TMEM268: variants seen among roughly 807,000 people sequenced by gnomAD.
TMEM268 encodes the protein transmembrane protein C9orf91.
A neutral mutation model predicts 39.1 loss-of-function variants in TMEM268; 24 were observed. That is an observed-to-expected ratio of 0.61 (90% CI 0.44 to 0.86). TMEM268 has a LOEUF of 0.86. Among genes scored for constraint, TMEM268 ranks in the 40% least tolerant of loss-of-function variants. The probability of loss-of-function intolerance (pLI) is 0.00; values close to 1 mark genes in which losing one functional copy is unlikely to be tolerated. For missense variants in TMEM268, 409 were observed against 428.6 expected (o/e 0.95, Z 0.40); for synonymous variants, 176 against 173.5 (o/e 1.01, Z -0.12).
At chr9:114,622,846 T>C (rs7048418) in intron 2 of TMEM268, among the ~76,000 whole-genome samples, 109,709 of 151,942 alleles carry the variant, frequency 0.72, 39,870 homozygotes, top group Admixed American at 0.76. Context: ...ATCCCAGTAC[T>C]TTGGGAGGCC....
intron 5 of TMEM268, among the ~76,000 whole-genome samples, chr9:114,632,207 G>A (rs1343410338): frequency 6.6e-6 from 1 of 152,076 alleles, no homozygotes; most frequent in Non-Finnish European, 1.5e-5. Context: ...ATGCTCAGTG[G>A]GACATTTGGA....
chr9:114,631,557 T>TTGG (rs1846399479), intron 5 of TMEM268, among the ~76,000 whole-genome samples: 1 of 152,096 alleles, frequency 6.6e-6, no homozygotes, highest in South Asian at 2.1e-4. Context: ...TTATCTCCAT[T>TTGG]TGGGGGTAAG....
chr9:114,614,360 C>T (rs1845619257), intron 1 of TMEM268, among the ~76,000 whole-genome samples: 1 of 152,230 alleles, frequency 6.6e-6, no homozygotes, highest in African/African-American at 2.4e-5. Context: ...CAGGTGCATG[C>T]AATCTGTGCA....
intron 3 of TMEM268, among the ~76,000 whole-genome samples, chr9:114,626,465 G>C (rs1846164686): frequency 6.6e-6 from 1 of 152,232 alleles, no homozygotes; most frequent in Non-Finnish European, 1.5e-5. Flanking sequence ...GCTCAGCACT[G>C]TACATGTATT....
intron 2 of TMEM268, among the ~76,000 whole-genome samples, chr9:114,620,401 C>G (rs566705357): frequency 6.6e-6 from 1 of 151,922 alleles, no homozygotes; most frequent in Non-Finnish European, 1.5e-5. Context: ...CGTGCCACCA[C>G]GTCTGGCTAA....
upstream of TMEM268, among the ~76,000 whole-genome samples, chr9:114,609,297 C>A (rs991846531): frequency 2.0e-5 from 3 of 149,536 alleles, no homozygotes; most frequent in Non-Finnish European, 4.4e-5. Flanking sequence ...GGTGACAGAG[C>A]GAGACCCCAT....
In TMEM268 at chr9:114,637,126, A is replaced by T. The variant is rs1846672408; in HGVS notation, c.666+56A>T. 7.0e-6 allele frequency: 8 copies of T among 1,148,110 alleles called. No homozygotes were observed. The South Asian group carries it at 8.7e-5, about 12-fold the overall frequency. 71.1% of individuals were successfully genotyped at this position (1,148,110 alleles called of 1,614,324 possible). A position where few individuals can be genotyped will look rare whatever the true frequency, so the allele number is the denominator to read the frequency against. ...AAAACCAGGAGGCCAAGTTGTATCG[A>T]TTTCATTATCTTAAGGGTGGGAAAA... On this transcript the variant is annotated intron_variant, in intron 7 of 8. Transcript: ENST00000288502.
At chr9:114,606,110 G>C in the TMEM268 span, among the ~76,000 whole-genome samples, 3 of 152,048 alleles carry the variant, frequency 2.0e-5, no homozygotes, top group African/African-American at 4.8e-5. Flanking sequence ...TAGTTACCTA[G>C]TTAAAAAAGC....
upstream of TMEM268, among the ~76,000 whole-genome samples, chr9:114,606,364 C>T (rs970275682): frequency 6.6e-6 from 1 of 152,184 alleles, no homozygotes; most frequent in Non-Finnish European, 1.5e-5. Flanking sequence ...AGCACACCTC[C>T]TGCCAAGCAC....
At position 114,624,216 on chromosome 9, in the gene TMEM268, G is replaced by T; in HGVS notation, c.107-134G>T. The T allele has an allele frequency of 2.1e-6, 3 of 1,451,888 alleles. No individual in the cohort carries two copies. In the South Asian group the frequency reaches 4.2e-5, roughly 20 times the overall value. The allele number at this position is 1,451,888 out of a possible 1,614,324, so 89.9% of individuals were successfully genotyped here. A position where few individuals can be genotyped will look rare whatever the true frequency, so the allele number is the denominator to read the frequency against. On this transcript the variant is annotated intron_variant, in intron 2 of 8. Coordinates refer to ENST00000288502, the MANE Select transcript of TMEM268 (RefSeq NM_153045.4). Reference sequence around the variant, plus strand: ...AGTCCTTCTCTCAAGAGGATTTGAGGATGGCCACCGTGTCCCTCCTTGTTG... The same window carrying T: ...AGTCCTTCTCTCAAGAGGATTTGAGTATGGCCACCGTGTCCCTCCTTGTTG...
chr9:114,643,599 A>T lies in TMEM268; in HGVS notation c.*286A>T. On this transcript the variant is annotated 3_prime_UTR_variant, in exon 9 of 9. Transcript: ENST00000288502. ...CTGCTGCTTAGAACTGTGGACACGT[A>T]TGGAAAGACTGGACCCCCATTGCTT... is the stretch of plus-strand genomic sequence containing the variant. 3.2e-6 allele frequency: 1 copy of T among 315,506 alleles called. No homozygotes were observed. The highest frequency in any genetic ancestry group is 5.7e-5 in the East Asian group (1 of 17,686). The allele number at this position is 315,506 out of a possible 1,614,324, so 19.5% of individuals were successfully genotyped here.
chr9:114,626,468 C>A (rs1846164921), intron 3 of TMEM268, among the ~76,000 whole-genome samples: 1 of 152,220 alleles, frequency 6.6e-6, no homozygotes, highest in Non-Finnish European at 1.5e-5. Flanking sequence ...CAGCACTGTA[C>A]ATGTATTATT....
At chr9:114,642,294 A>G (rs1319078596) in intron 8 of TMEM268, among the ~76,000 whole-genome samples, 1 of 152,064 alleles carries the variant, frequency 6.6e-6, no homozygotes, top group Admixed American at 6.5e-5. Flanking sequence ...CATACAGTAC[A>G]TGTCCTTTTG....
chr9:114,627,953 A>G, intron 4 of TMEM268, 148 bp from the exon 5 acceptor site: 1 of 792,634 alleles, frequency 1.3e-6, no homozygotes, highest in African/African-American at 1.7e-5. Context: ...TCACAGATCC[A>G]GGTGACTGCA....
chr9:114,608,675 C>T (rs1409527852), upstream of TMEM268, among the ~76,000 whole-genome samples: 3 of 152,104 alleles, frequency 2.0e-5, no homozygotes, highest in African/African-American at 7.2e-5. Context: ...CTCTTGCTCC[C>T]ACGCGTCTAA....
chr9:114,636,114 C>T (rs1334249339), intron 6 of TMEM268, among the ~76,000 whole-genome samples: 1 of 152,156 alleles, frequency 6.6e-6, no homozygotes, highest in East Asian at 1.9e-4. Flanking sequence ...ACCAGTTTCT[C>T]CAAGAACTTC....
At chr9:114,604,155 A>G in the TMEM268 span, among the ~76,000 whole-genome samples, 4 of 151,964 alleles carry the variant, frequency 2.6e-5, no homozygotes, top group Non-Finnish European at 4.4e-5. Flanking sequence ...GTATTGAACA[A>G]CTTCATAGCT....
rs1247939854 is a variant in TMEM268, at chr9:114,645,459, AGAGAGATCATGGG to A, written c.*2147_*2159del. The A allele has an allele frequency of 6.6e-6, 1 of 152,392 alleles. No individual in the cohort carries two copies. Among genetic ancestry groups the A allele is most frequent in the Non-Finnish European group, 1.5e-5 (1 of 68,048 alleles). The allele number at this position is 152,392 out of a possible 1,614,324, so 9.4% of individuals were successfully genotyped here. A position where few individuals can be genotyped will look rare whatever the true frequency, so the allele number is the denominator to read the frequency against. On this transcript the variant is annotated 3_prime_UTR_variant, in exon 9 of 9. Transcript: ENST00000288502. Reference sequence around the variant, plus strand: ...CCATTCACTTTCTGTGTGCCAGAGAAGAGAGATCATGGGTATAGACCAGCCCCTGGAAAGGCTG... The same window carrying A: ...CCATTCACTTTCTGTGTGCCAGAGAATATAGACCAGCCCCTGGAAAGGCTG...
At chr9:114,640,909 T>C (rs904585990) in intron 8 of TMEM268, among the ~76,000 whole-genome samples, 13 of 152,064 alleles carry the variant, frequency 8.5e-5, no homozygotes, top group African/African-American at 2.9e-4. Flanking sequence ...GGAGTTTTGC[T>C]CTTTTGCCCA....
Sources: gnomAD v4.1 joint callset for allele counts (sites outside exome capture counted in the v4.1 genomes callset) on GRCh38, gnomAD v4.1.1 for gene constraint, MANE v1.5 for transcripts, NCBI Gene and HGNC (gene_info 2026-07-23, HGNC 2026-07-21) for gene names.